SHANK2: variants seen among roughly 807,000 people sequenced by gnomAD.
SHANK2 encodes the protein SH3 and multiple ankyrin repeat domains 2, also known as SH3 and multiple ankyrin repeat domains protein 2.
SHANK2 carries 43 observed loss-of-function variants against 133.7 expected under a neutral mutation model. That is an observed-to-expected ratio of 0.32 (90% CI 0.25 to 0.41). SHANK2 has a LOEUF of 0.41. Ranked by LOEUF, SHANK2 falls within the 10% of genes least tolerant of loss-of-function variation. The pLI is 1.00. For missense variants in SHANK2, 1,994 were observed against 2,235.8 expected, an observed-to-expected ratio of 0.89 and a Z score of 2.18; for synonymous variants, 1,017 against 952.8, an observed-to-expected ratio of 1.07 and a Z score of -1.24.
chr11:71,110,723 G>T (rs1426922620), intron 5 of SHANK2, among the ~76,000 whole-genome samples: 1 of 152,210 alleles, frequency 6.6e-6, no homozygotes, highest in Non-Finnish European at 1.5e-5. Context: ...GGAACCACAG[G>T]GTGAGCACAG....
chr11:70,593,286 T>A lies in SHANK2; in HGVS notation c.2061+66542A>T, dbSNP rs193163774. Among the ~76,000 whole-genome samples, 523 of 152,368 alleles carry A rather than the reference T, an allele frequency of 3.4e-3. 3 individuals are homozygous for A. The highest frequency in any genetic ancestry group is 0.012 in the African/African-American group (480 of 41,590). On this transcript the variant is annotated intron_variant, in intron 17 of 25. Coordinates refer to ENST00000601538, the MANE Select transcript of SHANK2 (RefSeq NM_012309.5). ...TGAGAAAAATCTAACCTACAGCCTG[T>A]TTTTAAATGAATGTTGCATTTAACA... is the stretch of plus-strand genomic sequence containing the variant.
intron 11 of SHANK2, among the ~76,000 whole-genome samples, chr11:70,852,584 C>A (rs1033129264): frequency 2.6e-5 from 4 of 152,210 alleles, no homozygotes; most frequent in South Asian, 2.1e-4. Context: ...GTGGCTCATG[C>A]CTGTAATCCC....
At chr11:70,716,093 C>T (rs942586479) in intron 14 of SHANK2, among the ~76,000 whole-genome samples, 6 of 152,214 alleles carry the variant, frequency 3.9e-5, no homozygotes, top group East Asian at 1.9e-4. Flanking sequence ...CTCCAACACC[C>T]GCTGCCTAAC....
chr11:70,590,869 G>A (rs985650547), intron 17 of SHANK2, among the ~76,000 whole-genome samples: 1 of 152,198 alleles, frequency 6.6e-6, no homozygotes, highest in Non-Finnish European at 1.5e-5. Context: ...GGCCTGTGCA[G>A]AAAACAAGAG....
intron 15 of SHANK2, among the ~76,000 whole-genome samples, chr11:70,670,981 C>T (rs951134069): frequency 1.3e-5 from 2 of 152,230 alleles, no homozygotes; most frequent in Admixed American, 6.5e-5. Context: ...TTTCTCAAAT[C>T]GGCAATTATG....
intron 17 of SHANK2, among the ~76,000 whole-genome samples, chr11:70,624,762 C>T (rs1190983902): frequency 6.6e-6 from 1 of 152,146 alleles, no homozygotes; most frequent in African/African-American, 2.4e-5. Context: ...GAGGGGCCCG[C>T]AGCAGAGTGA....
chr11:70,891,090 G>A (rs573735076), intron 11 of SHANK2, among the ~76,000 whole-genome samples: 1 of 152,372 alleles, frequency 6.6e-6, no homozygotes, highest in Non-Finnish European at 1.5e-5. Context: ...CAGCCTGGGA[G>A]AAAGGATGCC....
intron 14 of SHANK2, among the ~76,000 whole-genome samples, chr11:70,760,231 A>T (rs560931530): frequency 2.6e-5 from 4 of 152,342 alleles, no homozygotes; most frequent in Middle Eastern, 3.4e-3. Context: ...GAGTATGCTT[A>T]ACCTGCCATA....
intron 10 of SHANK2, among the ~76,000 whole-genome samples, chr11:70,910,838 G>A (rs920586691): frequency 3.3e-5 from 5 of 151,172 alleles, no homozygotes; most frequent in Non-Finnish European, 5.9e-5. Context: ...AGAATAGAGT[G>A]ATGAAAATCA....
intron 14 of SHANK2, among the ~76,000 whole-genome samples, chr11:70,797,544 C>T (rs1184230538): frequency 6.6e-6 from 1 of 152,154 alleles, no homozygotes; most frequent in Non-Finnish European, 1.5e-5. Context: ...CCAGAACACA[C>T]GTTTGTAGGG....
chr11:71,103,298 G>T (rs1339638691), intron 6 of SHANK2, among the ~76,000 whole-genome samples: 1 of 152,202 alleles, frequency 6.6e-6, no homozygotes, highest in African/African-American at 2.4e-5. Context: ...GAGCACAGCA[G>T]GTCACCAATA....
rs1351455142 is a variant in SHANK2 at position 70,654,863 on chromosome 11, G to A, written c.2061+4965C>T. On this transcript the variant is annotated intron_variant, in intron 17 of 25. Transcript: ENST00000601538. ...GCTCACGGCAACGTCCGCCTCCCGG[G>A]TTCAAGCGATTCTCCTGCCTCAGCC... 2.0e-5 allele frequency among the ~76,000 whole-genome samples: 3 copies of A among 151,810 alleles called. No homozygotes were observed. In the East Asian group the frequency reaches 5.8e-4, roughly 29 times the overall value.
At chr11:70,751,040 T>C (rs1555037362) in intron 14 of SHANK2, among the ~76,000 whole-genome samples, 2 of 149,992 alleles carry the variant, frequency 1.3e-5, no homozygotes, top group Non-Finnish European at 3.0e-5. Flanking sequence ...ACAATACAAA[T>C]GAAAAAAAAA....
Position 70,929,151 on chromosome 11 carries a change from T to C in SHANK2, c.1108-32584A>G, listed in dbSNP as rs117571653. Among the ~76,000 whole-genome samples the C allele has an allele frequency of 4.6e-5, 7 of 152,334 alleles. No homozygotes were observed. In the East Asian group the frequency reaches 1.3e-3, roughly 29 times the overall value. ...CCAGAACTTGTACCTGAGGTTGCCA[T>C]CTGTTAGTGGTGTGTGTATCATAAG... On this transcript the variant is annotated intron_variant, in intron 10 of 25. Coordinates refer to ENST00000601538, the MANE Select transcript of SHANK2 (RefSeq NM_012309.5).
At chr11:70,533,356 T>C (rs12366071) in intron 17 of SHANK2, among the ~76,000 whole-genome samples, 16,885 of 152,174 alleles carry the variant, frequency 0.11, 1,150 homozygotes, top group Middle Eastern at 0.17. Flanking sequence ...TCCCAAAGTG[T>C]TGGGATTACA....
intron 17 of SHANK2, among the ~76,000 whole-genome samples, chr11:70,532,245 ATG>A (rs1403357083): frequency 6.6e-6 from 1 of 152,036 alleles, no homozygotes; most frequent in Non-Finnish European, 1.5e-5. Context: ...TGCAAGATAA[ATG>A]TGTTTCCGGG....
chr11:71,247,087 T>TA lies in SHANK2; in HGVS notation c.-113+5337dup, dbSNP rs550198143. Among the ~76,000 whole-genome samples, 15 of 152,322 alleles carry TA rather than the reference T, an allele frequency of 9.8e-5. No homozygotes were observed. In the South Asian group the frequency reaches 1.9e-3, roughly 19 times the overall value. On this transcript the variant is annotated intron_variant, in intron 1 of 25. Coordinates refer to ENST00000601538, the MANE Select transcript of SHANK2 (RefSeq NM_012309.5). Reference sequence around the variant, plus strand: ...TTGATTAATAAAAGACCCATGAGCATAAAAGTCTATTACATTAGGATAAAA... The same window carrying TA: ...TTGATTAATAAAAGACCCATGAGCATAAAAAGTCTATTACATTAGGATAAAA...
At position 70,578,792 on chromosome 11, in the gene SHANK2, G is replaced by A. The variant is rs888710359; in HGVS notation, c.2062-75861C>T. 2.6e-5 allele frequency among the ~76,000 whole-genome samples: 4 copies of A among 152,222 alleles called. No homozygotes were observed. The South Asian group carries it at 8.3e-4, about 32-fold the overall frequency. On this transcript the variant is annotated intron_variant, in intron 17 of 25. Transcript: ENST00000601538. ...CCAAGAGATTGGTTTTCTTCTCAAA[G>A]GGGGATGATTGCTCTTTCCTTGGAA...
intron 14 of SHANK2, among the ~76,000 whole-genome samples, chr11:70,699,313 T>C (rs1435220146): frequency 6.6e-6 from 1 of 151,576 alleles, no homozygotes; most frequent in Admixed American, 6.6e-5. Flanking sequence ...CTTGCTCCCC[T>C]TACTCAGCAG....
Sources: allele counts gnomAD v4.1 joint callset (sites outside exome capture counted in the v4.1 genomes callset), GRCh38; gene constraint gnomAD v4.1.1; transcripts MANE v1.5; gene names NCBI Gene and HGNC (gene_info 2026-07-23, HGNC 2026-07-21).